STAB2: variants seen among roughly 807,000 people sequenced by gnomAD.
STAB2 encodes the protein stabilin 2.
STAB2 carries 288 observed loss-of-function variants against 338.1 expected under a neutral mutation model. The ratio of observed to expected loss-of-function variants is 0.85; its 90% CI spans 0.77 to 0.94. The LOEUF (loss-of-function observed/expected upper bound fraction) is 0.94. STAB2 is among the 40% of genes least tolerant of loss of function. The pLI is 0.00. For synonymous variants in STAB2, 1,202 were observed against 1,193.3 expected, an observed-to-expected ratio of 1.01 and a Z score of -0.15; for missense variants, 3,141 against 3,210.1, an observed-to-expected ratio of 0.98 and a Z score of 0.52.
At chr12:103,718,881 C>T (rs1295724076) in intron 44 of STAB2, among the ~76,000 whole-genome samples, 1 of 152,156 alleles carries the variant, frequency 6.6e-6, no homozygotes, top group Non-Finnish European at 1.5e-5. Flanking sequence ...ATAAGTGTCC[C>T]TGGAATTCCT....
At chr12:103,681,605 C>T (rs1042766087) in intron 25 of STAB2, among the ~76,000 whole-genome samples, 4 of 150,258 alleles carry the variant, frequency 2.7e-5, no homozygotes, top group African/African-American at 9.8e-5. Flanking sequence ...TCTCCAAATT[C>T]CCCCCTACTT....
At chr12:103,755,164 G>T in intron 61 of STAB2, 138 bp from the exon 62 acceptor site, 3 of 1,182,300 alleles carry the variant, frequency 2.5e-6, no homozygotes, top group Non-Finnish European at 2.4e-6. Flanking sequence ...CACCTACTGT[G>T]TGCCAGGCAC....
intron 16 of STAB2, 78 bp from the exon 17 acceptor site, chr12:103,660,605 T>C: frequency 6.7e-7 from 1 of 1,491,096 alleles, no homozygotes; most frequent in Non-Finnish European, 9.3e-7. Context: ...ACCTATTTTT[T>C]CTAGTGAGGA....
intron 58 of STAB2, 68 bp from the exon 59 acceptor site, chr12:103,748,895 T>C (rs1206247515): frequency 2.0e-6 from 3 of 1,537,322 alleles, no homozygotes; most frequent in African/African-American, 2.7e-5. Flanking sequence ...TGGTGCCCCA[T>C]ACCCTGACCT....
intron 21 of STAB2, 80 bp from the exon 22 acceptor site, chr12:103,670,616 T>C (rs1476784872): frequency 7.2e-6 from 8 of 1,104,812 alleles, no homozygotes; most frequent in Non-Finnish European, 1.1e-5. Context: ...TAATCTGAAT[T>C]CAAAGAAGTC....
rs146698695 is a variant in STAB2, at chr12:103,594,442, G to T, written c.263G>T (p.Arg88Leu). The change falls in exon 3 of 69, where the codon CGC (arginine) becomes CTC (leucine). Residue 88 changes from arginine to leucine, a missense_variant. Physicochemically the swap from Arg to Leu is moderately radical, Grantham distance 102 (BLOSUM62 -2). Coordinates refer to ENST00000388887, the MANE Select transcript of STAB2 (RefSeq NM_017564.10). ...TACTCTCTGTCTCTCCCCGGATGCC[G>T]CCATATTTGTAGGAAGGACTATCTC... ...RTYSLSLPGCRHICRKDYLQP... is the reference protein window; with the variant it reads ...RTYSLSLPGCLHICRKDYLQP... 63 of 1,613,740 alleles carry T rather than the reference G, an allele frequency of 3.9e-5. No individual in the cohort carries two copies. The highest frequency in any genetic ancestry group is 5.3e-5 in the Non-Finnish European group (63 of 1,179,850).
chr12:103,613,407 T>A lies in STAB2; in HGVS notation c.332-7061T>A, dbSNP rs554565354. On this transcript the variant is annotated intron_variant, in intron 3 of 68. Transcript: ENST00000388887. ...AATGGCGGGAGCCTCTCCCCCAGCCTCGCTGCCGCCTTGCAGTTTGATCTC... is the reference window on the plus strand; with the variant it reads ...AATGGCGGGAGCCTCTCCCCCAGCCACGCTGCCGCCTTGCAGTTTGATCTC... 1.4e-4 allele frequency among the ~76,000 whole-genome samples: 21 copies of A among 152,298 alleles called. No individual in the cohort carries two copies. In the South Asian group the frequency reaches 4.3e-3, roughly 32 times the overall value.
intron 51 of STAB2, 106 bp downstream of exon 51, chr12:103,733,288 C>A: frequency 7.5e-7 from 1 of 1,335,974 alleles, no homozygotes; most frequent in Non-Finnish European, 1.1e-6. Flanking sequence ...TCCCTGTCAC[C>A]ACTGTATGCA....
intron 33 of STAB2, among the ~76,000 whole-genome samples, chr12:103,698,560 A>G (rs914931466): frequency 2.0e-5 from 3 of 152,092 alleles, no homozygotes; most frequent in Non-Finnish European, 4.4e-5. Context: ...AAACACCCAC[A>G]TTCTTGTCCC....
intron 58 of STAB2, among the ~76,000 whole-genome samples, chr12:103,748,565 A>G (rs1883264173): frequency 6.7e-6 from 1 of 150,180 alleles, no homozygotes; most frequent in African/African-American, 2.5e-5. Flanking sequence ...AGGGTGCTCA[A>G]TATTGTACTA....
chr12:103,720,995 CAT>C (rs1880717488), intron 44 of STAB2, among the ~76,000 whole-genome samples: 1 of 152,180 alleles, frequency 6.6e-6, no homozygotes, highest in African/African-American at 2.4e-5. Context: ...AGGCACATCT[CAT>C]AGAATAGTGT....
intron 5 of STAB2, among the ~76,000 whole-genome samples, chr12:103,622,994 C>T (rs1957325753): frequency 6.6e-6 from 1 of 152,206 alleles, no homozygotes; most frequent in Admixed American, 6.5e-5. Context: ...ATTAAAGAAA[C>T]AAATTTGAGA....
intron 25 of STAB2, among the ~76,000 whole-genome samples, chr12:103,678,549 T>G (rs530743154): frequency 1.3e-4 from 20 of 152,142 alleles, no homozygotes; most frequent in African/African-American, 4.8e-4. Flanking sequence ...TTTTTTGAGA[T>G]GGAGTCTCGC....
intron 3 of STAB2, among the ~76,000 whole-genome samples, chr12:103,604,363 T>C (rs1214479469): frequency 1.3e-5 from 2 of 152,054 alleles, no homozygotes; most frequent in Admixed American, 6.5e-5. Context: ...ATCGGGATAA[T>C]AATGCTCCCT....
rs182810214 is a variant in STAB2 at position 103,637,245 on chromosome 12, A to C, written c.709+9A>C. The C allele has an allele frequency of 3.1e-4, 498 of 1,607,902 alleles. 2 individuals are homozygous for C. The African/African-American group carries it at 5.6e-3, about 18-fold the overall frequency. ...TGGCAAATACTGCGACCGTGAGTAG[A>C]ATTTAGATTCTGCTAGTTTATTCAT... On this transcript the variant is annotated intron_variant, in intron 7 of 68. Transcript: ENST00000388887.
At chr12:103,759,001 T>C (rs936867196) in intron 64 of STAB2, 132 bp from the exon 65 acceptor site, 1 of 1,478,126 alleles carries the variant, frequency 6.8e-7, no homozygotes, top group Non-Finnish European at 9.3e-7. Context: ...AACCTTGACA[T>C]TTCCTGATCT....
In STAB2 at chr12:103,711,472, A is replaced by G. The variant is rs1406466046; in HGVS notation, c.4290A>G (p.Ala1430=). ...VGWRGVHCDN[A]TTEDNCNGTC... ...ACAGCAACTGGTTCTCTTTTTCAGC[A>G]ACCACAGAAGACAACTGCAATGGGA... Residue 1430 remains alanine, a splice_region_variant and synonymous_variant, in exon 40 of 69, where the codon GCA becomes GCG. Coordinates refer to ENST00000388887, the MANE Select transcript of STAB2 (RefSeq NM_017564.10). 6.2e-7 allele frequency: 1 copy of G among 1,614,136 alleles called. No individual in the cohort carries two copies. Among genetic ancestry groups the G allele is most frequent in the Admixed American group, 1.7e-5 (1 of 60,022 alleles).
intron 50 of STAB2, 39 bp downstream of exon 50, chr12:103,731,674 C>T (rs770043491): frequency 6.3e-7 from 1 of 1,580,420 alleles, no homozygotes; most frequent in Non-Finnish European, 8.6e-7. Flanking sequence ...GGATAACCTG[C>T]CTAAAGAAGT....
chr12:103,627,219 C>T (rs1957394392), intron 5 of STAB2, among the ~76,000 whole-genome samples: 1 of 152,174 alleles, frequency 6.6e-6, no homozygotes, highest in Non-Finnish European at 1.5e-5. Context: ...CCCAGTCTGC[C>T]TCTGGTGAGT....
Sources: allele counts gnomAD v4.1 joint callset (sites outside exome capture counted in the v4.1 genomes callset), GRCh38; gene constraint gnomAD v4.1.1; transcripts MANE v1.5; gene names NCBI Gene and HGNC (gene_info 2026-07-23, HGNC 2026-07-21).